The following CLECL1 variants were observed in gnomAD, a reference collection of about 807,000 sequenced individuals.
CLECL1 encodes C-type lectin like 1.
At chr12:9,703,711 A>T in the CLECL1 span, among the ~76,000 whole-genome samples, 1 of 151,990 alleles carries the variant, frequency 6.6e-6, no homozygotes, top group Non-Finnish European at 1.5e-5. Flanking sequence ...AGGTCTTTTA[A>T]TGTCAAAAGA....
At chr12:9,729,909 A>G (rs1172348750) in intron 1 of CLECL1, among the ~76,000 whole-genome samples, 1 of 152,012 alleles carries the variant, frequency 6.6e-6, no homozygotes, top group East Asian at 1.9e-4. Context: ...TATATTCCCC[A>G]GTATTGATCT....
the CLECL1 span, among the ~76,000 whole-genome samples, chr12:9,706,305 A>T: frequency 1.3e-5 from 2 of 152,180 alleles, no homozygotes; most frequent in Non-Finnish European, 2.9e-5. Flanking sequence ...TCTGCAAACA[A>T]AGACAATTTT....
At chr12:9,709,011 G>T in the CLECL1 span, 23 of 175,820 alleles carry the variant, frequency 1.3e-4, no homozygotes, top group South Asian at 3.6e-3. Context: ...GCCAAATTAT[G>T]ATTTACAGGA....
chr12:9,732,958 G>A (rs749676733), exon 1 of CLECL1: 48 of 1,602,134 alleles, frequency 3.0e-5, no homozygotes, highest in South Asian at 3.3e-5. Flanking sequence ...CCAGATCTCT[G>A]AAGTGGAAAC....
In CLECL1 at chr12:9,722,833, G is replaced by A. The variant is rs1160009497; in HGVS notation, n.263-20C>T. 6.4e-7 allele frequency: 1 copy of A among 1,568,464 alleles called. No individual in the cohort carries two copies. Among genetic ancestry groups the A allele is most frequent in the South Asian group, 1.1e-5 (1 of 87,390 alleles). ...AAGAAACTGGAAGAAAGGAAGATAA[G>A]CAATTAAAATCAATGTAAAACTGTA... On this transcript the variant is annotated intron_variant and non_coding_transcript_variant, in intron 3 of 3. Transcript: ENST00000621400.
chr12:9,730,039 C>G (rs1001632590), intron 1 of CLECL1, among the ~76,000 whole-genome samples: 15 of 152,122 alleles, frequency 9.9e-5, no homozygotes, highest in African/African-American at 3.4e-4. Context: ...TGTTTCTCCT[C>G]TTATATAATG....
intron 2 of CLECL1, among the ~76,000 whole-genome samples, chr12:9,728,317 G>T (rs1268316437): frequency 6.6e-6 from 1 of 151,716 alleles, no homozygotes; most frequent in Non-Finnish European, 1.5e-5. Context: ...CTTGTCATTT[G>T]CCAGGCATTA....
At chr12:9,728,623 A>T (rs1056758802) in intron 2 of CLECL1, among the ~76,000 whole-genome samples, 1 of 151,908 alleles carries the variant, frequency 6.6e-6, no homozygotes. Flanking sequence ...CTATTTTACT[A>T]AAAAACTATT....
chr12:9,717,413 G>A (rs1446495299), intron 2 of CLECL1, among the ~76,000 whole-genome samples: 1 of 152,194 alleles, frequency 6.6e-6, no homozygotes, highest in East Asian at 1.9e-4. Flanking sequence ...AATTGGAAAC[G>A]TCTTATCAAT....
At chr12:9,727,389 C>T (rs1021988076) in intron 3 of CLECL1, among the ~76,000 whole-genome samples, 3 of 151,596 alleles carry the variant, frequency 2.0e-5, no homozygotes, top group African/African-American at 7.3e-5. Flanking sequence ...TTGCCTTGGC[C>T]CTTTACATGT....
exon 3 of CLECL1, chr12:9,716,669 C>T: frequency 1.6e-6 from 1 of 638,778 alleles, no homozygotes; most frequent in Non-Finnish European, 2.2e-6. Flanking sequence ...TCAGAGGCCT[C>T]TTCCTAAGAA....
At chr12:9,714,122 T>C (rs139909460), downstream of CLECL1, among the ~76,000 whole-genome samples, 16 of 152,328 alleles carry the variant, frequency 1.1e-4, no homozygotes, top group African/African-American at 3.8e-4. Flanking sequence ...GTTTTATTAG[T>C]AATAATTTCT....
At chr12:9,703,530 G>A in the CLECL1 span, among the ~76,000 whole-genome samples, 2 of 151,994 alleles carry the variant, frequency 1.3e-5, no homozygotes, top group African/African-American at 2.4e-5. Context: ...AAGCAGCTGG[G>A]ACCACAGGCA....
rs548904456 is a variant in CLECL1, at chr12:9,728,046, T to A, written n.169-388A>T. ...TTAATTATATCAGGTGTCACCTGGTTGATGTTTTGTATGTTTTGGTTTTGG... is the reference window on the plus strand; with the variant it reads ...TTAATTATATCAGGTGTCACCTGGTAGATGTTTTGTATGTTTTGGTTTTGG... On this transcript the variant is annotated intron_variant and non_coding_transcript_variant, in intron 2 of 3. Transcript: ENST00000621400. 1.9e-4 allele frequency among the ~76,000 whole-genome samples: 29 copies of A among 151,952 alleles called. No individual in the cohort carries two copies. In the East Asian group the frequency reaches 4.8e-3, roughly 25 times the overall value.
At chr12:9,733,039 T>C (rs748653902), upstream of CLECL1, 3 of 1,613,948 alleles carry the variant, frequency 1.9e-6, no homozygotes, top group Middle Eastern at 1.6e-4. Flanking sequence ...ATTGCACAGA[T>C]CAAAAAGAGA....
At chr12:9,725,636 C>G (rs1315837533) in intron 3 of CLECL1, among the ~76,000 whole-genome samples, 2 of 151,962 alleles carry the variant, frequency 1.3e-5, no homozygotes, top group Non-Finnish European at 2.9e-5. Context: ...TTGTATAGCT[C>G]AGGAACTTCA....
chr12:9,718,878 G>C, downstream of CLECL1: 3 of 606,168 alleles, frequency 4.9e-6, no homozygotes, highest in South Asian at 6.3e-5. Flanking sequence ...TGTTGCTTTA[G>C]CTACCTAGTC....
At chr12:9,714,768 T>C (rs1256734897), downstream of CLECL1, among the ~76,000 whole-genome samples, 1 of 152,252 alleles carries the variant, frequency 6.6e-6, no homozygotes, top group African/African-American at 2.4e-5. Context: ...GCCATTGATC[T>C]CTTATTACAG....
At chr12:9,722,860 C>A in intron 3 of CLECL1, 47 bp from the exon 2 acceptor site, 2 of 1,405,240 alleles carry the variant, frequency 1.4e-6, no homozygotes, top group East Asian at 2.3e-5. Context: ...AAAACTGTAT[C>A]CTAATAATGT....
Sources: allele counts gnomAD v4.1 joint callset (sites outside exome capture counted in the v4.1 genomes callset), GRCh38; gene constraint gnomAD v4.1.1; transcripts MANE v1.5; gene names NCBI Gene and HGNC (gene_info 2026-07-23, HGNC 2026-07-21).